The following SCHIP1 variants were observed in gnomAD, a reference collection of about 807,000 sequenced individuals.
The protein encoded by SCHIP1 is schwannomin-interacting protein 1.
A neutral mutation model predicts 29.7 loss-of-function variants in SCHIP1; 8 were observed. That is an observed-to-expected ratio of 0.27 (90% CI 0.16 to 0.49). SCHIP1 has a LOEUF of 0.49. Among genes scored for constraint, SCHIP1 ranks in the 20% least tolerant of loss-of-function variants. SCHIP1 has a pLI of 0.99. For synonymous variants in SCHIP1, 76 were observed against 94.9 expected (o/e 0.80, Z 1.16); for missense variants, 193 against 294.6 (o/e 0.66, Z 2.52).
At chr3:159,422,442 ATAC>A in the SCHIP1 span, among the ~76,000 whole-genome samples, 1 of 152,246 alleles carries the variant, frequency 6.6e-6, no homozygotes, top group Non-Finnish European at 1.5e-5. Flanking sequence ...GAATCAATTA[ATAC>A]TACTGTTTAT....
chr3:159,612,479 G>A, the SCHIP1 span, among the ~76,000 whole-genome samples: 1 of 152,152 alleles, frequency 6.6e-6, no homozygotes, highest in Non-Finnish European at 1.5e-5. Context: ...ATGCGCGGTG[G>A]CTCACTCCTG....
chr3:159,780,922 G>T, the SCHIP1 span, among the ~76,000 whole-genome samples: 1 of 152,182 alleles, frequency 6.6e-6, no homozygotes, highest in Non-Finnish European at 1.5e-5. Flanking sequence ...GCTCAGATGC[G>T]TCCACTTGAT....
chr3:159,585,034 T>G, the SCHIP1 span, among the ~76,000 whole-genome samples: 13 of 151,974 alleles, frequency 8.6e-5, no homozygotes, highest in African/African-American at 3.1e-4. Context: ...TCTCAATGAG[T>G]TCTACCCCGG....
the SCHIP1 span, among the ~76,000 whole-genome samples, chr3:159,693,454 A>T: frequency 6.6e-6 from 1 of 152,208 alleles, no homozygotes; most frequent in Non-Finnish European, 1.5e-5. Context: ...CCAAGTAGAT[A>T]AAGTTATCAG....
chr3:159,405,839 C>A, the SCHIP1 span, among the ~76,000 whole-genome samples: 1 of 147,736 alleles, frequency 6.8e-6, no homozygotes, highest in Admixed American at 6.8e-5. Flanking sequence ...GCTGAGATTG[C>A]ACCACTGCTC....
At chr3:159,304,912 C>A in the SCHIP1 span, among the ~76,000 whole-genome samples, 46,539 of 152,018 alleles carry the variant, frequency 0.31, 8,421 homozygotes, top group Non-Finnish European at 0.41. Flanking sequence ...CCTCTGTTCC[C>A]AGCTTCTGAC....
chr3:159,295,274 A>T, the SCHIP1 span, among the ~76,000 whole-genome samples: 3 of 140,864 alleles, frequency 2.1e-5, no homozygotes, highest in East Asian at 6.3e-4. Context: ...AAAAAAAAAA[A>T]AACAACTAGC....
At chr3:159,516,761 C>T in the SCHIP1 span, among the ~76,000 whole-genome samples, 16 of 152,252 alleles carry the variant, frequency 1.1e-4, no homozygotes, top group African/African-American at 3.6e-4. Flanking sequence ...TTAGACTCCT[C>T]CTGTTGTCGT....
chr3:159,643,253 C>T, the SCHIP1 span, among the ~76,000 whole-genome samples: 29 of 152,180 alleles, frequency 1.9e-4, no homozygotes, highest in Non-Finnish European at 3.1e-4. Flanking sequence ...CTGGCTGTTT[C>T]CCAAGAATTC....
chr3:159,712,850 G>A, the SCHIP1 span, among the ~76,000 whole-genome samples: 1,577 of 143,758 alleles, frequency 0.011, 19 homozygotes, highest in East Asian at 0.029. Flanking sequence ...GAAAGAAAGA[G>A]AGAGAGAAAG....
At chr3:159,865,188 A>G (rs1003662832) in intron 1 of SCHIP1, among the ~76,000 whole-genome samples, 1 of 152,218 alleles carries the variant, frequency 6.6e-6, no homozygotes, top group Non-Finnish European at 1.5e-5. Flanking sequence ...CCCCTTGCTC[A>G]GTGTATAAAA....
At chr3:159,349,513 A>G in the SCHIP1 span, among the ~76,000 whole-genome samples, 1 of 152,210 alleles carries the variant, frequency 6.6e-6, no homozygotes, top group African/African-American at 2.4e-5. Context: ...CTCTGAATTC[A>G]GGGAGAAAAT....
At chr3:159,443,410 A>G in the SCHIP1 span, among the ~76,000 whole-genome samples, 1 of 152,206 alleles carries the variant, frequency 6.6e-6, no homozygotes, top group African/African-American at 2.4e-5. Context: ...AGTGGAGCCA[A>G]TCACTTTTCT....
chr3:159,295,628 C>A, the SCHIP1 span, among the ~76,000 whole-genome samples: 3,021 of 152,254 alleles, frequency 0.02, 95 homozygotes, highest in African/African-American at 0.069. Context: ...TCAAGCATGG[C>A]CTGCTTCCAG....
At chr3:159,319,884 C>T in the SCHIP1 span, among the ~76,000 whole-genome samples, 5 of 152,180 alleles carry the variant, frequency 3.3e-5, no homozygotes, top group Non-Finnish European at 7.3e-5. Context: ...CTTCACAGAT[C>T]TGCTCTGTTG....
the SCHIP1 span, among the ~76,000 whole-genome samples, chr3:159,801,875 G>C: frequency 6.6e-6 from 1 of 152,186 alleles, no homozygotes; most frequent in African/African-American, 2.4e-5. Context: ...AAAAGAACTT[G>C]ATGCAGCCCA....
At chr3:159,394,087 G>C in the SCHIP1 span, among the ~76,000 whole-genome samples, 1 of 151,290 alleles carries the variant, frequency 6.6e-6, no homozygotes, top group Admixed American at 6.6e-5. Context: ...TTGTGAATGG[G>C]AGTTCACTCA....
At chr3:159,529,584 TCAAA>T in the SCHIP1 span, among the ~76,000 whole-genome samples, 5 of 152,358 alleles carry the variant, frequency 3.3e-5, no homozygotes, top group South Asian at 8.3e-4. Flanking sequence ...TCCCAGGAGC[TCAAA>T]CATTTATTAT....
At chr3:159,738,807 A>G in the SCHIP1 span, among the ~76,000 whole-genome samples, 1 of 152,198 alleles carries the variant, frequency 6.6e-6, no homozygotes, top group Non-Finnish European at 1.5e-5. Flanking sequence ...TGTGTGCACA[A>G]GTGTGCGTGT....
Sources: allele counts gnomAD v4.1 joint callset (sites outside exome capture counted in the v4.1 genomes callset), GRCh38; gene constraint gnomAD v4.1.1; transcripts MANE v1.5; gene names NCBI Gene and HGNC (gene_info 2026-07-23, HGNC 2026-07-21).